GRM8: variants seen among roughly 807,000 people sequenced by gnomAD.
GRM8 encodes the protein glutamate metabotropic receptor 8.
In GRM8, 47 loss-of-function variants were observed where a neutral mutation model predicts 87.2. The observed-to-expected ratio is 0.54, with a 90% CI of 0.43 to 0.69. The LOEUF (loss-of-function observed/expected upper bound fraction) is 0.69. GRM8 is among the 30% of genes least tolerant of loss of function. The pLI is 0.00. For missense variants in GRM8, 1,019 were observed against 1,139.2 expected (o/e 0.89, Z 1.52); for synonymous variants, 396 against 404.5 (o/e 0.98, Z 0.25).
intron 5 of GRM8, among the ~76,000 whole-genome samples, 197 bp downstream of exon 5, chr7:126,903,775 G>GTGTGTA (rs759583815): frequency 0.064 from 5,573 of 87,426 alleles, 698 homozygotes; most frequent in Middle Eastern, 0.09. Flanking sequence ...ATGTGTGTGT[G>GTGTGTA]TATATATATA....
intron 7 of GRM8, among the ~76,000 whole-genome samples, chr7:126,736,089 G>C (rs1218417436): frequency 6.6e-6 from 1 of 151,958 alleles, no homozygotes; most frequent in African/African-American, 2.4e-5. Context: ...AGCACAAATG[G>C]GGCCTTTTCC....
intron 2 of GRM8, among the ~76,000 whole-genome samples, chr7:127,225,896 G>A (rs1797291263): frequency 6.6e-6 from 1 of 151,812 alleles, no homozygotes; most frequent in South Asian, 2.1e-4. Context: ...GTACCTCCTA[G>A]AAGAATGCTT....
At chr7:126,473,421 C>T (rs1248022075) in intron 9 of GRM8, among the ~76,000 whole-genome samples, 2 of 152,174 alleles carry the variant, frequency 1.3e-5, no homozygotes, top group African/African-American at 2.4e-5. Flanking sequence ...CTAGCCCCTT[C>T]ATTTTGGCGA....
intron 2 of GRM8, among the ~76,000 whole-genome samples, chr7:127,169,989 C>T (rs1459983238): frequency 6.6e-6 from 1 of 152,176 alleles, no homozygotes; most frequent in African/African-American, 2.4e-5. Flanking sequence ...TGCCTGCTAA[C>T]ACAATATCCA....
At chr7:126,495,204 C>T (rs781024452) in intron 9 of GRM8, among the ~76,000 whole-genome samples, 13 of 151,858 alleles carry the variant, frequency 8.6e-5, no homozygotes, top group Non-Finnish European at 1.3e-4. Context: ...CATCTGAAAA[C>T]GTGTGTGCTC....
intron 7 of GRM8, among the ~76,000 whole-genome samples, chr7:126,714,577 T>G (rs951495566): frequency 2.0e-5 from 3 of 152,048 alleles, no homozygotes; most frequent in Admixed American, 6.6e-5. Flanking sequence ...GAGATTCTAC[T>G]GTAAAATTTA....
At chr7:127,235,072 A>C (rs1023646646) in intron 2 of GRM8, among the ~76,000 whole-genome samples, 3 of 152,212 alleles carry the variant, frequency 2.0e-5, no homozygotes, top group African/African-American at 4.8e-5. Context: ...AATTTTGTAA[A>C]CCAAAATATA....
intron 3 of GRM8, among the ~76,000 whole-genome samples, chr7:127,026,922 T>C (rs1415451663): frequency 2.0e-5 from 3 of 152,326 alleles, no homozygotes; most frequent in East Asian, 1.9e-4. Flanking sequence ...GCCTATGTCC[T>C]GAATGGTATT....
At chr7:126,879,973 G>T (rs575668470) in intron 6 of GRM8, among the ~76,000 whole-genome samples, 2 of 152,140 alleles carry the variant, frequency 1.3e-5, no homozygotes, top group African/African-American at 4.8e-5. Context: ...CTGAAAAGGT[G>T]TCTAAAAAAA....
rs190245756 is a variant in GRM8 at position 126,839,031 on chromosome 7, A to G, written c.1156+63511T>C. ...TTACTTGCAAGCCCTTCAGCCTGAA[A>G]TTTCCCAATATATTATTAAAACTCT... On this transcript the variant is annotated intron_variant, in intron 6 of 10. Transcript: ENST00000339582. Among the ~76,000 whole-genome samples, 129 of 152,194 alleles carry G rather than the reference A, an allele frequency of 8.5e-4. No individual in the cohort carries two copies. The Middle Eastern group carries it at 0.01, about 12-fold the overall frequency.
chr7:126,668,003 G>C (rs1805962979), intron 7 of GRM8, among the ~76,000 whole-genome samples: 1 of 152,146 alleles, frequency 6.6e-6, no homozygotes, highest in South Asian at 2.1e-4. Context: ...GCAACCTACT[G>C]AGACAGCGAA....
rs77346342 is a variant in GRM8, at chr7:126,860,628, C to T, written c.1156+41914G>A. Among the ~76,000 whole-genome samples, 819 of 152,108 alleles carry T rather than the reference C, an allele frequency of 5.4e-3. 9 individuals carry two copies. Among genetic ancestry groups the T allele is most frequent in the African/African-American group, 0.019 (785 of 41,518 alleles). On this transcript the variant is annotated intron_variant, in intron 6 of 10. Coordinates refer to ENST00000339582, the MANE Select transcript of GRM8 (RefSeq NM_000845.3). The stretch of plus-strand genomic sequence containing the variant: ...TAAACAAAATCTCATTAAAAATGTG[C>T]TAATATTTTACCCAGTTTGTAGATA...
At chr7:126,990,546 T>C (rs1038872601) in intron 3 of GRM8, among the ~76,000 whole-genome samples, 1 of 152,214 alleles carries the variant, frequency 6.6e-6, no homozygotes. Context: ...TGTTTTCAGA[T>C]AGCTTGATGT....
At chr7:126,673,241 TACTC>T (rs1455054654) in intron 7 of GRM8, among the ~76,000 whole-genome samples, 1 of 152,172 alleles carries the variant, frequency 6.6e-6, no homozygotes, top group Non-Finnish European at 1.5e-5. Context: ...AAACCCTCCT[TACTC>T]ACTGTTCAGA....
At chr7:126,931,407 T>C (rs1805756614) in intron 3 of GRM8, among the ~76,000 whole-genome samples, 1 of 152,210 alleles carries the variant, frequency 6.6e-6, no homozygotes, top group African/African-American at 2.4e-5. Context: ...GTATAAATTA[T>C]TCTTTATAAA....
intron 6 of GRM8, among the ~76,000 whole-genome samples, chr7:126,785,591 A>AAAAGACCCGGGTCTTT (rs1820537376): frequency 6.6e-6 from 1 of 152,046 alleles, no homozygotes; most frequent in Admixed American, 6.6e-5. Context: ...AACCTTTCTT[A>AAAAGACCCGGGTCTTT]AAAGACCCGG....
intron 2 of GRM8, among the ~76,000 whole-genome samples, chr7:127,184,751 C>T (rs1223516477): frequency 6.6e-6 from 1 of 151,802 alleles, no homozygotes; most frequent in Non-Finnish European, 1.5e-5. Context: ...GGAAAAGTTC[C>T]TGGAATTAAT....
At chr7:126,555,427 A>T (rs1268773347) in intron 8 of GRM8, among the ~76,000 whole-genome samples, 1 of 152,252 alleles carries the variant, frequency 6.6e-6, no homozygotes, top group Non-Finnish European at 1.5e-5. Flanking sequence ...CAATGCTAAG[A>T]ACAGCTATAA....
At chr7:127,217,765 T>C (rs1405934988) in intron 2 of GRM8, among the ~76,000 whole-genome samples, 1 of 152,218 alleles carries the variant, frequency 6.6e-6, no homozygotes, top group Non-Finnish European at 1.5e-5. Flanking sequence ...TTGATTCCTT[T>C]TGGTGATTTC....
Sources: allele counts gnomAD v4.1 joint callset (sites outside exome capture counted in the v4.1 genomes callset), GRCh38; gene constraint gnomAD v4.1.1; transcripts MANE v1.5; gene names NCBI Gene and HGNC (gene_info 2026-07-23, HGNC 2026-07-21).